Variants in WDPCP observed in about 807,000 individuals in gnomAD.
The protein encoded by WDPCP is WD repeat-containing and planar cell polarity effector protein fritz homolog.
A neutral mutation model predicts 93.1 loss-of-function variants in WDPCP; 71 were observed. The observed-to-expected ratio is 0.76, with a 90% confidence interval of 0.63 to 0.93. WDPCP has a LOEUF of 0.93. WDPCP is among the 40% of genes least tolerant of loss of function. WDPCP has a pLI of 0.00. For missense variants in WDPCP, 844 were observed against 887.4 expected (o/e 0.95, Z 0.62); for synonymous variants, 315 against 315.0 (o/e 1.00, Z 0.00).
intron 1 of WDPCP, among the ~76,000 whole-genome samples, chr2:63,533,396 C>T (rs1287653308): frequency 1.3e-5 from 2 of 152,232 alleles, no homozygotes; most frequent in African/African-American, 4.8e-5. Flanking sequence ...CCCAGATCAA[C>T]AGAATACACA....
intron 14 of WDPCP, among the ~76,000 whole-genome samples, chr2:63,231,166 C>A (rs1290995145): frequency 6.6e-6 from 1 of 151,948 alleles, no homozygotes; most frequent in Non-Finnish European, 1.5e-5. Flanking sequence ...ACTAGGTATT[C>A]ATGGGACATA....
chr2:63,616,687 G>A (rs1709676090), intron 3 of WDPCP, among the ~76,000 whole-genome samples: 1 of 151,976 alleles, frequency 6.6e-6, no homozygotes, highest in Non-Finnish European at 1.5e-5. Context: ...ATATTAGAAT[G>A]CAAATAAGTA....
chr2:63,615,357 T>C (rs542028612), intron 3 of WDPCP, among the ~76,000 whole-genome samples: 13 of 152,190 alleles, frequency 8.5e-5, no homozygotes, highest in Admixed American at 8.5e-4. Context: ...GGGCCAGGCA[T>C]GTCCACCGTG....
chr2:63,484,071 T>C (rs1700423959), intron 6 of WDPCP, among the ~76,000 whole-genome samples: 2 of 151,984 alleles, frequency 1.3e-5, no homozygotes, highest in Admixed American at 1.3e-4. Context: ...GAACTGAATT[T>C]TTTATTTTAT....
At chr2:63,467,209 G>T (rs1699395347) in intron 6 of WDPCP, among the ~76,000 whole-genome samples, 1 of 152,210 alleles carries the variant, frequency 6.6e-6, no homozygotes, top group South Asian at 2.1e-4. Context: ...AGGTCCAGCG[G>T]TGGCTCACAC....
chr2:63,291,344 A>G (rs1684403699), intron 13 of WDPCP, among the ~76,000 whole-genome samples: 1 of 152,206 alleles, frequency 6.6e-6, no homozygotes, highest in Non-Finnish European at 1.5e-5. Context: ...ACAGTTTCTT[A>G]TAGGAAAGAC....
intron 2 of WDPCP, among the ~76,000 whole-genome samples, chr2:63,769,279 C>T (rs1670190716): frequency 6.6e-6 from 1 of 151,776 alleles, no homozygotes; most frequent in Non-Finnish European, 1.5e-5. Flanking sequence ...GCAACTGTCT[C>T]ACTGAGAAAA....
intron 2 of WDPCP, among the ~76,000 whole-genome samples, chr2:63,699,754 C>T (rs897819833): frequency 1.3e-5 from 2 of 152,188 alleles, no homozygotes; most frequent in African/African-American, 2.4e-5. Flanking sequence ...ATCTAAGACA[C>T]CATGATTGCC....
At chr2:63,186,583 C>T (rs777640264) in intron 14 of WDPCP, among the ~76,000 whole-genome samples, 3 of 152,204 alleles carry the variant, frequency 2.0e-5, no homozygotes, top group Admixed American at 6.5e-5. Flanking sequence ...TTAGAAGGGC[C>T]GAGGTAGTTT....
Position 63,679,268 on chromosome 2 carries a change from C to G in WDPCP, n.309-28430G>C, listed in dbSNP as rs545168728. Among the ~76,000 whole-genome samples the G allele has an allele frequency of 4.0e-5, 6 of 151,888 alleles. No homozygotes were observed. The East Asian group carries it at 1.2e-3, about 30-fold the overall frequency. On this transcript the variant is annotated intron_variant and non_coding_transcript_variant, in intron 2 of 4. Coordinates refer to the WDPCP transcript ENST00000467687. ...CAGCTTGAGTGATTTTTATTCCTGTCAAGTTCCTATATGGGCTCCCCATGG... is the reference window on the plus strand; with the variant it reads ...CAGCTTGAGTGATTTTTATTCCTGTGAAGTTCCTATATGGGCTCCCCATGG...
intron 12 of WDPCP, among the ~76,000 whole-genome samples, chr2:63,359,074 C>T (rs1455441456): frequency 1.3e-5 from 2 of 152,026 alleles, no homozygotes; most frequent in African/African-American, 4.8e-5. Context: ...TCCTTCCCTC[C>T]CTTCCTTCCT....
chr2:63,481,631 T>C (rs1233700348), intron 6 of WDPCP, among the ~76,000 whole-genome samples: 1 of 152,030 alleles, frequency 6.6e-6, no homozygotes, highest in African/African-American at 2.4e-5. Flanking sequence ...CTAAGTGAAG[T>C]AACTCAGGAA....
Position 63,785,532 on chromosome 2 carries a change from CA to C in WDPCP, n.308+28089del, listed in dbSNP as rs1283104421. 3.9e-5 allele frequency among the ~76,000 whole-genome samples: 6 copies of C among 152,136 alleles called. No individual in the cohort carries two copies. The East Asian group carries it at 1.2e-3, about 29-fold the overall frequency. ...TTTATAAAGTTTTCATGTAACACTC[CA>C]GCAGATAATTTTTTCCCTAGAGGGC... On this transcript the variant is annotated intron_variant and non_coding_transcript_variant, in intron 2 of 4. Coordinates refer to the WDPCP transcript ENST00000467687.
intron 12 of WDPCP, among the ~76,000 whole-genome samples, chr2:63,322,870 T>C (rs1190464122): frequency 3.3e-5 from 5 of 152,206 alleles, no homozygotes; most frequent in Non-Finnish European, 7.3e-5. Flanking sequence ...CTTTCCTATT[T>C]TTCCTTAGAA....
intron 3 of WDPCP, among the ~76,000 whole-genome samples, chr2:63,637,420 G>A (rs79695389): frequency 5.6e-3 from 556 of 98,802 alleles, no homozygotes; most frequent in Middle Eastern, 0.014. Context: ...GGCTACAACA[G>A]AAAAAAAAAA....
chr2:63,707,095 A>G (rs1669170287), intron 2 of WDPCP, among the ~76,000 whole-genome samples: 1 of 151,982 alleles, frequency 6.6e-6, no homozygotes, highest in East Asian at 1.9e-4. Flanking sequence ...GAATCTGACA[A>G]TTATGTGTCT....
chr2:63,228,926 A>C (rs1678568255), intron 14 of WDPCP: 1 of 152,208 alleles, frequency 6.6e-6, no homozygotes, highest in African/African-American at 2.4e-5. Flanking sequence ...AGCATGATTT[A>C]TAATCCTTTG....
intron 12 of WDPCP, among the ~76,000 whole-genome samples, chr2:63,316,315 T>C (rs948994828): frequency 6.6e-6 from 1 of 151,938 alleles, no homozygotes. Flanking sequence ...GCAGGAGATA[T>C]AAAAAGGAAA....
chr2:63,276,351 A>G (rs910737878), intron 13 of WDPCP, among the ~76,000 whole-genome samples: 2 of 152,248 alleles, frequency 1.3e-5, no homozygotes, highest in Admixed American at 6.5e-5. Context: ...ATACCAGCTC[A>G]CCAGTAATGG....
Sources: allele counts gnomAD v4.1 joint callset (sites outside exome capture counted in the v4.1 genomes callset), GRCh38; gene constraint gnomAD v4.1.1; transcripts MANE v1.5; gene names NCBI Gene and HGNC (gene_info 2026-07-23, HGNC 2026-07-21).